Variants in ESRP2 observed in about 807,000 individuals in gnomAD.
ESRP2 encodes the protein RNA binding motif protein 35A.
Under a neutral mutation model 78.6 loss-of-function variants are expected in ESRP2, and 48 were observed. The ratio of observed to expected loss-of-function variants is 0.61; its 90% CI spans 0.48 to 0.78. The LOEUF (loss-of-function observed/expected upper bound fraction) is 0.78, where lower values mean the gene tolerates loss of function less well. Ranked by LOEUF, ESRP2 falls within the 30% of genes least tolerant of loss-of-function variation. The pLI is 0.00. For synonymous variants in ESRP2, 383 were observed against 406.7 expected (o/e 0.94, Z 0.70); for missense variants, 863 against 965.9 (o/e 0.89, Z 1.41).
In ESRP2 at chr16:68,230,157, G is replaced by C; in HGVS notation, c.*69C>G. ...AGAAGCTACCAGGTTGAGGGTGCTG[G>C]TCTTCTGGACTCAGGAGAGACATGT... On this transcript the variant is annotated 3_prime_UTR_variant, in exon 15 of 15. Coordinates refer to ENST00000473183, the MANE Select transcript of ESRP2 (RefSeq NM_024939.3). 3 of 1,447,324 alleles carry C rather than the reference G, an allele frequency of 2.1e-6. No homozygotes were observed. Among genetic ancestry groups the C allele is most frequent in the Non-Finnish European group, 2.9e-6 (3 of 1,029,138 alleles). The allele number at this position is 1,447,324 out of a possible 1,614,324, so 89.7% of individuals were successfully genotyped here.
chr16:68,233,704 C>A lies in ESRP2; in HGVS notation c.556+64G>T, dbSNP rs1177720252. 2.5e-6 allele frequency: 3 copies of A among 1,204,380 alleles called. No individual in the cohort carries two copies. The East Asian group carries it at 7.0e-5, about 28-fold the overall frequency. 74.6% of individuals were successfully genotyped at this position (1,204,380 alleles called of 1,614,324 possible). Reference sequence around the variant, plus strand: ...GTCCATATTACCCACCCACAGCATGCACATACTCAGACACATGTACCCACA... The same window carrying A: ...GTCCATATTACCCACCCACAGCATGAACATACTCAGACACATGTACCCACA... On this transcript the variant is annotated intron_variant, in intron 4 of 14. Transcript: ENST00000473183.
chr16:68,233,202 A>AG (rs933752882), intron 5 of ESRP2, 125 bp downstream of exon 5: 1 of 696,998 alleles, frequency 1.4e-6, no homozygotes, highest in Non-Finnish European at 2.4e-6. Flanking sequence ...GTCTCAAAAA[A>AG]AAAAAAAAAA....
rs769121857 is a variant in ESRP2 at position 68,234,068 on chromosome 16, C to A, written c.367G>T (p.Gly123Trp). 1.2e-6 allele frequency: 2 copies of A among 1,613,514 alleles called. No homozygotes were observed. Among genetic ancestry groups the A allele is most frequent in the African/African-American group, 1.3e-5 (1 of 74,910 alleles). Residue 123 changes from glycine to tryptophan, a missense_variant, in exon 3 of 15, where the codon GGG (glycine) becomes TGG (tryptophan). By Grantham distance (184) the Gly-to-Trp change is radical. Coordinates refer to ENST00000473183, the MANE Select transcript of ESRP2 (RefSeq NM_024939.3). Reference sequence around the variant, plus strand: ...TCAGTGCAGAGCATGTAGGGGCCCCCGCCCAGCAAAGCCACATCCCCGTTC... The same window carrying A: ...TCAGTGCAGAGCATGTAGGGGCCCCAGCCCAGCAAAGCCACATCCCCGTTC... ...LVNGDVALLGGGPYMLCTDGQ... is the reference protein window; with the variant it reads ...LVNGDVALLGWGPYMLCTDGQ...
intron 2 of ESRP2, 50 bp from the exon 3 acceptor site, chr16:68,234,157 A>C (rs2042189352): frequency 7.0e-7 from 1 of 1,426,970 alleles, no homozygotes. Context: ...ACAGCTGGGC[A>C]GGCAGGAAGT....
chr16:68,232,774 C>A lies in ESRP2; in HGVS notation c.697G>T (p.Glu233Ter). 6.2e-7 allele frequency: 1 copy of A among 1,614,246 alleles called. No homozygotes were observed. The highest frequency in any genetic ancestry group is 8.5e-7 in the Non-Finnish European group (1 of 1,180,050). The change falls in exon 6 of 15, where the codon GAG (glutamate) becomes TAG (stop). Residue 233 changes from glutamate (E) to a stop codon, truncating the protein, a stop_gained. Coordinates refer to ENST00000473183, the MANE Select transcript of ESRP2 (RefSeq NM_024939.3). LOFTEE classifies it high-confidence loss of function. The surrounding 1 kb of genome is among the most constrained non-coding windows in gnomAD (Gnocchi z 5.2). ...SKPEVIKQKY[E>*]TGPCSKADVV... ...TCCCACACTCACCAAGGCCCCGTCT[C>A]GTATTTCTGCTTTATCACCTCGGGC...
At chr16:68,233,524 A>G (rs758545637) in intron 4 of ESRP2, 99 bp from the exon 5 acceptor site, 1 of 950,196 alleles carries the variant, frequency 1.1e-6, no homozygotes, top group Non-Finnish European at 1.7e-6. Flanking sequence ...GCTGGAGACC[A>G]GCATACACAT....
rs753661352 is a variant in ESRP2, at chr16:68,230,557, A to T, written c.1899-3T>A. 3.9e-6 allele frequency: 6 copies of T among 1,553,902 alleles called. No homozygotes were observed. In the Admixed American group the frequency reaches 5.7e-5, roughly 15 times the overall value. ...CAGTGGTGGGGGAGACTGGGGGGCTAGGGTGGGAGAGACAAGGTTTAGTCA... is the reference window on the plus strand; with the variant it reads ...CAGTGGTGGGGGAGACTGGGGGGCTTGGGTGGGAGAGACAAGGTTTAGTCA... On this transcript the variant is annotated splice_region_variant and splice_polypyrimidine_tract_variant and intron_variant, in intron 13 of 14. Coordinates refer to ENST00000473183, the MANE Select transcript of ESRP2 (RefSeq NM_024939.3).
Position 68,232,829 on chromosome 16 carries a change from G to T in ESRP2, c.656-14C>A, listed in dbSNP as rs781504460. On this transcript the variant is annotated splice_polypyrimidine_tract_variant and intron_variant, in intron 5 of 14. Transcript: ENST00000473183. The surrounding 1 kb of genome is among the most constrained non-coding windows in gnomAD (Gnocchi z 5.2). The stretch of plus-strand genomic sequence containing the variant: ...AAAACAATTGACCTGAGAAAAGATG[G>T]CCTGGGGGTCAGCAGGGTCTGGTGG... 2.5e-6 allele frequency: 4 copies of T among 1,612,918 alleles called. No individual in the cohort carries two copies. The East Asian group carries it at 8.9e-5, about 36-fold the overall frequency.
chr16:68,235,367 G>T lies in ESRP2; in HGVS notation c.327+267C>A. ...GGCCTCGCTCCCCGGGCGGGAACTGGGGATGGATCCCAAAGCCTGCGTCCC... is the reference window on the plus strand; with the variant it reads ...GGCCTCGCTCCCCGGGCGGGAACTGTGGATGGATCCCAAAGCCTGCGTCCC... On this transcript the variant is annotated intron_variant, in intron 2 of 14. Coordinates refer to ENST00000473183, the MANE Select transcript of ESRP2 (RefSeq NM_024939.3). This position sits in a 1 kb window ranked among gnomAD's most constrained non-coding sequence, Gnocchi z 5.5. 1.0e-6 allele frequency: 1 copy of T among 985,444 alleles called. No homozygotes were observed. Among genetic ancestry groups the T allele is most frequent in the Non-Finnish European group, 1.2e-6 (1 of 829,930 alleles). The allele number at this position is 985,444 out of a possible 1,614,324, so 61.0% of individuals were successfully genotyped here. A position where few individuals can be genotyped will look rare whatever the true frequency, so the allele number is the denominator to read the frequency against.
At position 68,231,498 on chromosome 16, in the gene ESRP2, A is replaced by G; in HGVS notation, c.1496T>C (p.Met499Thr). Residue 499 changes from methionine to threonine, a missense_variant, in exon 11 of 15, where the codon ATG becomes ACG. Coordinates refer to ENST00000473183, the MANE Select transcript of ESRP2 (RefSeq NM_024939.3). The surrounding 1 kb of genome is among the most constrained non-coding windows in gnomAD (Gnocchi z 6.0). ...TGGCTTCACCTGCTGGTTGAGCACC[A>G]TGTGTACACCGTGGGGCCGAATGTC... ...AADIRPHGVH[M>T]VLNQQGRPSG... 1 of 1,614,014 alleles carries G rather than the reference A, an allele frequency of 6.2e-7. No homozygotes were observed. The highest frequency in any genetic ancestry group is 1.3e-5 in the African/African-American group (1 of 74,982).
In ESRP2 at chr16:68,235,786, T is replaced by A; in HGVS notation, c.199-24A>T. ...ACCTGTGAGCGGCGGGGGAAACCGA[T>A]CAGCCGCGCCCCTCGACCCCGGAAG... is the stretch of plus-strand genomic sequence containing the variant. On this transcript the variant is annotated intron_variant, in intron 1 of 14. Transcript: ENST00000473183. The surrounding 1 kb of genome is among the most constrained non-coding windows in gnomAD (Gnocchi z 5.5). The A allele has an allele frequency of 6.2e-7, 1 of 1,608,550 alleles. No individual in the cohort carries two copies. Among genetic ancestry groups the A allele is most frequent in the Non-Finnish European group, 8.5e-7 (1 of 1,178,176 alleles).
chr16:68,231,509 G>C lies in ESRP2; in HGVS notation c.1485C>G (p.His495Gln). ...GCTGGTTGAGCACCATGTGTACACCGTGGGGCCGAATGTCAGCTGCTGCCT... is the reference window on the plus strand; with the variant it reads ...GCTGGTTGAGCACCATGTGTACACCCTGGGGCCGAATGTCAGCTGCTGCCT... ...LGEAAADIRPHGVHMVLNQQG... is the reference protein window; with the variant it reads ...LGEAAADIRPQGVHMVLNQQG... Residue 495 changes from histidine (H) to glutamine (Q), a missense_variant, in exon 11 of 15, where the codon CAC becomes CAG. Coordinates refer to ENST00000473183, the MANE Select transcript of ESRP2 (RefSeq NM_024939.3). This position sits in a 1 kb window ranked among gnomAD's most constrained non-coding sequence, Gnocchi z 6.0. The C allele has an allele frequency of 1.9e-6, 3 of 1,614,054 alleles. No homozygotes were observed. Among genetic ancestry groups the C allele is most frequent in the Non-Finnish European group, 2.5e-6 (3 of 1,179,992 alleles).
At position 68,232,119 on chromosome 16, in the gene ESRP2, G is replaced by A. The variant is rs767088901; in HGVS notation, c.998-16C>T. ...AGTGATGTGCCTGTGTATGAGAGTC[G>A]CCTGCTGACTTCACTCATGCTCCTC... On this transcript the variant is annotated splice_polypyrimidine_tract_variant and intron_variant, in intron 9 of 14. Transcript: ENST00000473183. This position sits in a 1 kb window ranked among gnomAD's most constrained non-coding sequence, Gnocchi z 5.2. The A allele has an allele frequency of 1.5e-5, 24 of 1,609,594 alleles. No individual in the cohort carries two copies. The highest frequency in any genetic ancestry group is 5.3e-5 in the African/African-American group (4 of 74,792).
chr16:68,234,195 A>G, intron 2 of ESRP2, 88 bp from the exon 3 acceptor site: 1 of 1,038,494 alleles, frequency 9.6e-7, no homozygotes, highest in Non-Finnish European at 1.4e-6. Context: ...GGCAGGCTGC[A>G]AAGCTGGTTC....
rs2042100465 is a variant in ESRP2 at position 68,229,708 on chromosome 16, G to A, written c.*518C>T. 2 of 160,342 alleles carry A rather than the reference G, an allele frequency of 1.2e-5. No individual in the cohort carries two copies. The highest frequency in any genetic ancestry group is 4.8e-5 in the African/African-American group (2 of 41,598). The allele number at this position is 160,342 out of a possible 1,614,324, so 9.9% of individuals were successfully genotyped here. A position where few individuals can be genotyped will look rare whatever the true frequency, so the allele number is the denominator to read the frequency against. ...CCCCTGGCACAACATGGTCTCTGAG[G>A]TCCAGATACTCTGAGGGTAGGGGCT... On this transcript the variant is annotated 3_prime_UTR_variant, in exon 15 of 15. Coordinates refer to ENST00000473183, the MANE Select transcript of ESRP2 (RefSeq NM_024939.3).
At position 68,235,690 on chromosome 16, in the gene ESRP2, C is replaced by T. The variant is rs1015541818; in HGVS notation, c.271G>A (p.Gly91Ser). Residue 91 changes from glycine (G) to serine (S), a missense_variant, in exon 2 of 15, where the codon GGC becomes AGC. By Grantham distance (56) the Gly-to-Ser change is moderately conservative. Coordinates refer to ENST00000473183, the MANE Select transcript of ESRP2 (RefSeq NM_024939.3). The surrounding 1 kb of genome is among the most constrained non-coding windows in gnomAD (Gnocchi z 5.5). ...CGCGCCAGGCTGTCGGCGCTCAGGCCGCTCGCCTCGCGGCACTGCGTACTC... is the reference window on the plus strand; with the variant it reads ...CGCGCCAGGCTGTCGGCGCTCAGGCTGCTCGCCTCGCGGCACTGCGTACTC... ...ALSTQCREAS[G>S]LSADSLARAE... 1.9e-6 allele frequency: 3 copies of T among 1,600,104 alleles called. No individual in the cohort carries two copies. The highest frequency in any genetic ancestry group is 1.3e-5 in the African/African-American group (1 of 74,968).
Position 68,231,732 on chromosome 16 carries a change from T to C in ESRP2, c.1300-38A>G, listed in dbSNP as rs2042143020. 6 of 1,594,486 alleles carry C rather than the reference T, an allele frequency of 3.8e-6. No individual in the cohort carries two copies. The highest frequency in any genetic ancestry group is 1.3e-5 in the African/African-American group (1 of 74,714). On this transcript the variant is annotated intron_variant, in intron 10 of 14. Transcript: ENST00000473183. This position sits in a 1 kb window ranked among gnomAD's most constrained non-coding sequence, Gnocchi z 6.0. ...GCAGCAACAGGCTGGTCATGCCAAG[T>C]AGGGCAGGGACACAGAGGGCCGCCC...
In ESRP2 at chr16:68,230,251, G is replaced by C. The variant is rs374092654; in HGVS notation, c.2129C>G (p.Ala710Gly). 2 of 1,614,060 alleles carry C rather than the reference G, an allele frequency of 1.2e-6. No individual in the cohort carries two copies. The highest frequency in any genetic ancestry group is 2.7e-5 in the African/African-American group (2 of 74,922). ...CTACAAACACACCCATTCCTTGGGG[G>C]CTTGTAACACAGTGCGAGGTGGGTC... ...VGDPPRTVLQ[A>G]PKEWVCL The change falls in exon 15 of 15, where the codon GCC (alanine) becomes GGC (glycine). Residue 710 changes from alanine (A) to glycine (G), a missense_variant. Transcript: ENST00000473183.
chr16:68,230,674 C>A lies in ESRP2; in HGVS notation c.1899-120G>T. The A allele has an allele frequency of 2.1e-6, 3 of 1,421,944 alleles. No homozygotes were observed. The South Asian group carries it at 4.1e-5, about 19-fold the overall frequency. The allele number at this position is 1,421,944 out of a possible 1,614,324, so 88.1% of individuals were successfully genotyped here. On this transcript the variant is annotated intron_variant, in intron 13 of 14. Transcript: ENST00000473183. ...TTCAGTTCCTCCCTGAAGCCCCAGC[C>A]TCTACAGAGTCATTTTCGATCTGTT...
Sources: gnomAD v4.1 joint callset for allele counts on GRCh38, gnomAD v4.1.1 for gene constraint, Gnocchi (gnomAD v3.1) non-coding constraint, MANE v1.5 for transcripts, NCBI Gene and HGNC (gene_info 2026-07-23, HGNC 2026-07-21) for gene names.